Variants in CLDN16 observed in about 807,000 individuals in gnomAD.
CLDN16 encodes claudin-16.
Under a neutral mutation model 24.6 loss-of-function variants are expected in CLDN16, and 13 were observed. The observed-to-expected ratio is 0.53, with a 90% CI of 0.34 to 0.84. CLDN16 has a LOEUF of 0.84. Among genes scored for constraint, CLDN16 ranks in the 40% least tolerant of loss-of-function variants. CLDN16 has a pLI of 0.01. For synonymous variants in CLDN16, 116 were observed against 106.7 expected, an observed-to-expected ratio of 1.09 and a Z score of -0.54; for missense variants, 298 against 292.7, an observed-to-expected ratio of 1.02 and a Z score of -0.13.
chr3:190,340,592 T>C (rs111321626), intron 1 of CLDN16, among the ~76,000 whole-genome samples: 4,491 of 152,222 alleles, frequency 0.03, 107 homozygotes, highest in East Asian at 0.081. Context: ...CAAATCAAGA[T>C]GAGATTTGGG....
chr3:190,385,216 T>C (rs1415003481), upstream of CLDN16, among the ~76,000 whole-genome samples: 1 of 152,166 alleles, frequency 6.6e-6, no homozygotes, highest in Non-Finnish European at 1.5e-5. Context: ...TGTTGAAGCC[T>C]AGGGAGGGTC....
the CLDN16 span, chr3:190,306,729 G>A: frequency 7.2e-5 from 11 of 152,774 alleles, no homozygotes; most frequent in African/African-American, 2.6e-4. Flanking sequence ...GTACAGACTG[G>A]AAAAGTAAGA....
chr3:190,409,327 T>C (rs1429668757), intron 4 of CLDN16, among the ~76,000 whole-genome samples: 1 of 152,058 alleles, frequency 6.6e-6, no homozygotes, highest in African/African-American at 2.4e-5. Flanking sequence ...CACACATGTA[T>C]ATGTATATTA....
chr3:190,335,233 G>A (rs1207020844), intron 1 of CLDN16, among the ~76,000 whole-genome samples: 1 of 151,502 alleles, frequency 6.6e-6, no homozygotes, highest in African/African-American at 2.4e-5. Flanking sequence ...TAGTAGGGAC[G>A]GAGTTTCACC....
rs1221514630 is a variant in CLDN16, at chr3:190,363,556, G to GTATATATA, written n.122-7303_122-7296dup. 7.2e-3 allele frequency among the ~76,000 whole-genome samples: 621 copies of GTATATATA among 86,608 alleles called. 3 individuals carry two copies. The highest frequency in any genetic ancestry group is 9.0e-3 in the Non-Finnish European group (422 of 46,854). 56.8% of individuals were successfully genotyped at this position (86,608 alleles called of 152,430 possible). On this transcript the variant is annotated intron_variant and non_coding_transcript_variant, in intron 1 of 4. Transcript: ENST00000468220. Reference sequence around the variant, plus strand: ...AGTTGCTGTGCGTGTGTGTGTGTGTGTATATATATATATATATATATATAT... The same window carrying GTATATATA: ...AGTTGCTGTGCGTGTGTGTGTGTGTGTATATATATATATATATATATATATATATATAT...
intron 1 of CLDN16, among the ~76,000 whole-genome samples, chr3:190,332,182 G>T (rs996541867): frequency 6.6e-6 from 1 of 152,092 alleles, no homozygotes; most frequent in Non-Finnish European, 1.5e-5. Flanking sequence ...GCAGAGGGAG[G>T]TTATTATTCT....
chr3:190,388,162 T>C (rs1166353879), upstream of CLDN16: 1 of 1,613,934 alleles, frequency 6.2e-7, no homozygotes, highest in Non-Finnish European at 8.5e-7. Flanking sequence ...CTGTTTGTAT[T>C]ATTCTTACTG....
intron 1 of CLDN16, among the ~76,000 whole-genome samples, chr3:190,400,185 C>G (rs1718927897): frequency 6.6e-6 from 1 of 151,926 alleles, no homozygotes; most frequent in Non-Finnish European, 1.5e-5. Flanking sequence ...GTTCCTTGGC[C>G]CCTACCCTTC....
intron 1 of CLDN16, among the ~76,000 whole-genome samples, chr3:190,335,035 T>G (rs1348508472): frequency 1.3e-5 from 2 of 150,344 alleles, no homozygotes; most frequent in Admixed American, 6.6e-5. Flanking sequence ...TTTTTTTTTT[T>G]TTTGTTTGTT....
the CLDN16 span, among the ~76,000 whole-genome samples, chr3:190,296,548 A>AT: frequency 0.21 from 28,433 of 133,678 alleles, 4,114 homozygotes; most frequent in East Asian, 0.41. Flanking sequence ...GTCAGATTTA[A>AT]TTTTTTTTTT....
At chr3:190,342,348 A>G (rs1717457423) in intron 1 of CLDN16, among the ~76,000 whole-genome samples, 1 of 152,226 alleles carries the variant, frequency 6.6e-6, no homozygotes, top group Non-Finnish European at 1.5e-5. Context: ...CACATCTCAC[A>G]TGGTGGTAGA....
chr3:190,343,753 T>C (rs78105713), intron 1 of CLDN16, among the ~76,000 whole-genome samples: 5,963 of 151,908 alleles, frequency 0.039, 392 homozygotes, highest in African/African-American at 0.13. Context: ...CTTAAAAAAA[T>C]GGCAGGGGAG....
intron 1 of CLDN16, among the ~76,000 whole-genome samples, chr3:190,400,072 C>T (rs904928909): frequency 2.6e-5 from 4 of 152,268 alleles, no homozygotes; most frequent in Middle Eastern, 3.4e-3. Flanking sequence ...TTGCACGAAA[C>T]CGGTCCCTGG....
rs757186184 is a variant in CLDN16, at chr3:190,388,263, C to G, written c.-67C>G. 1 of 1,609,806 alleles carries G rather than the reference C, an allele frequency of 6.2e-7. No individual in the cohort carries two copies. The highest frequency in any genetic ancestry group is 8.5e-7 in the Non-Finnish European group (1 of 1,177,418). On this transcript the variant is annotated 5_prime_UTR_variant, in exon 1 of 5. Transcript: ENST00000264734. Reference sequence around the variant, plus strand: ...TACCAGAAACACAGAAGACTGACACCCGCCACTTAAGTGGGGCCAGGGCTG... The same window carrying G: ...TACCAGAAACACAGAAGACTGACACGCGCCACTTAAGTGGGGCCAGGGCTG...
At chr3:190,312,225 C>G in the CLDN16 span, among the ~76,000 whole-genome samples, 49 of 152,128 alleles carry the variant, frequency 3.2e-4, no homozygotes, top group African/African-American at 1.1e-3. Context: ...ACCACCACAC[C>G]TGGCCTAAAA....
At chr3:190,322,209 C>G, upstream of CLDN16, 1 of 1,613,220 alleles carries the variant, frequency 6.2e-7, no homozygotes, top group East Asian at 2.2e-5. Flanking sequence ...TTGGCCATGA[C>G]TCGCTCGGGC....
At chr3:190,370,579 A>C (rs949129954) in intron 1 of CLDN16, among the ~76,000 whole-genome samples, 4 of 151,938 alleles carry the variant, frequency 2.6e-5, no homozygotes, top group African/African-American at 7.2e-5. Context: ...TGATGAGCTA[A>C]ACCTACGTCA....
At chr3:190,391,208 G>GTTTTTTTTTTTTTTTTTTTTTT (rs57481102) in intron 1 of CLDN16, among the ~76,000 whole-genome samples, 1 of 135,772 alleles carries the variant, frequency 7.4e-6, no homozygotes, top group Non-Finnish European at 1.6e-5. Flanking sequence ...TACTTTTCCA[G>GTTTTTTTTTTTTTTTTTTTTTT]TTTTTTTTTT....
chr3:190,372,037 A>G (rs533933285), intron 2 of CLDN16, among the ~76,000 whole-genome samples: 1 of 152,072 alleles, frequency 6.6e-6, no homozygotes, highest in Non-Finnish European at 1.5e-5. Flanking sequence ...CACCTGCTCC[A>G]GTGTAAGATG....
Sources: gnomAD v4.1 joint callset for allele counts (sites outside exome capture counted in the v4.1 genomes callset) on GRCh38, gnomAD v4.1.1 for gene constraint, MANE v1.5 for transcripts, NCBI Gene and HGNC (gene_info 2026-07-23, HGNC 2026-07-21) for gene names.